The following TIMM22 variants were observed in gnomAD, a reference collection of about 807,000 sequenced individuals.
TIMM22 encodes the protein mitochondrial import inner membrane translocase subunit Tim22.
A neutral mutation model predicts 18.3 loss-of-function variants in TIMM22; 12 were observed. The ratio of observed to expected loss-of-function variants is 0.65; its 90% confidence interval spans 0.42 to 1.06. The LOEUF is 1.06. TIMM22 is among the 50% of genes least tolerant of loss of function. The pLI, the probability that TIMM22 is intolerant of heterozygous loss-of-function variation, is 0.00. For synonymous variants in TIMM22, 107 were observed against 98.5 expected (o/e 1.09, Z -0.51); for missense variants, 278 against 252.8 (o/e 1.10, Z -0.68).
chr17:999,941 C>T (rs1472580708), intron 3 of TIMM22, among the ~76,000 whole-genome samples: 1 of 152,114 alleles, frequency 6.6e-6, no homozygotes, highest in Non-Finnish European at 1.5e-5. Context: ...ACTCTGTCGC[C>T]CAGGCTGGAG....
At chr17:997,417 G>A (rs771670206) in intron 1 of TIMM22, 37 bp downstream of exon 1, 5 of 1,591,526 alleles carry the variant, frequency 3.1e-6, no homozygotes, top group Non-Finnish European at 2.6e-6. Flanking sequence ...GAGGCTGAGG[G>A]CCTGGACGGC....
Position 998,926 on chromosome 17 carries a change from T to A in TIMM22, c.386T>A (p.Phe129Tyr), listed in dbSNP as rs756638862. 1.2e-6 allele frequency: 2 copies of A among 1,613,988 alleles called. No homozygotes were observed. The highest frequency in any genetic ancestry group is 2.7e-5 in the African/African-American group (2 of 74,922). ...GQRGMSYAKNFAIVGAMFSCT... is the reference protein window; with the variant it reads ...GQRGMSYAKNYAIVGAMFSCT... Reference sequence around the variant, plus strand: ...AGAGGAATGTCCTATGCCAAAAATTTCGCCATTGTGGGAGCCATGTTTTCT... The same window carrying A: ...AGAGGAATGTCCTATGCCAAAAATTACGCCATTGTGGGAGCCATGTTTTCT... Residue 129 changes from phenylalanine (F) to tyrosine (Y), a missense_variant, in exon 2 of 4, where the codon TTC becomes TAC. Coordinates refer to ENST00000327158, the MANE Select transcript of TIMM22 (RefSeq NM_013337.4).
In TIMM22 at chr17:997,178, C is replaced by G; in HGVS notation, c.36C>G (p.Ala12=). The change falls in exon 1 of 4, where the codon GCC becomes GCG. Residue 12 remains alanine (A), a synonymous_variant. Coordinates refer to ENST00000327158, the MANE Select transcript of TIMM22 (RefSeq NM_013337.4). ...AAAAPNAGGS[A]PETAGSAEAP... ...CCGCCCCCAATGCCGGAGGCTCGGCCCCTGAGACAGCGGGTTCCGCCGAAG... is the reference window on the plus strand; with the variant it reads ...CCGCCCCCAATGCCGGAGGCTCGGCGCCTGAGACAGCGGGTTCCGCCGAAG... 6.2e-7 allele frequency: 1 copy of G among 1,611,624 alleles called. No individual in the cohort carries two copies. Among genetic ancestry groups the G allele is most frequent in the South Asian group, 1.1e-5 (1 of 91,018 alleles).
chr17:999,482 T>C (rs779127234), intron 2 of TIMM22, 30 bp from the exon 3 acceptor site: 1 of 1,611,184 alleles, frequency 6.2e-7, no homozygotes, highest in Admixed American at 1.7e-5. Flanking sequence ...CTTGTTTCTT[T>C]GGCTCTAACG....
At position 997,308 on chromosome 17, in the gene TIMM22, A is replaced by T; in HGVS notation, c.166A>T (p.Ser56Cys). 4 of 1,613,834 alleles carry T rather than the reference A, an allele frequency of 2.5e-6. No individual in the cohort carries two copies. The South Asian group carries it at 4.4e-5, about 18-fold the overall frequency. Residue 56 changes from serine (S) to cysteine (C), a missense_variant, in exon 1 of 4, where the codon AGT (serine) becomes TGT (cysteine). Transcript: ENST00000327158. ...GGGCGGGATCCCAAGTCCAGCCAAGAGTGAGGAGCAGAAGATGATCGAGAA... is the reference window on the plus strand; with the variant it reads ...GGGCGGGATCCCAAGTCCAGCCAAGTGTGAGGAGCAGAAGATGATCGAGAA... ...SLGGIPSPAK[S>C]EEQKMIEKAM... is the part of the protein sequence containing the mutation.
rs1195969538 is a variant in TIMM22, at chr17:999,575, G to C, written c.499G>C (p.Gly167Arg). 6.2e-7 allele frequency: 1 copy of C among 1,613,164 alleles called. No homozygotes were observed. Among genetic ancestry groups the C allele is most frequent in the Non-Finnish European group, 8.5e-7 (1 of 1,179,674 alleles). The change falls in exon 3 of 4, where the codon GGT (glycine) becomes CGT (arginine). Residue 167 changes from glycine (G) to arginine (R), a missense_variant. Transcript: ENST00000327158. ...TGGCTGCATCACGGGAGGAGCTATT[G>C]GTTTCAGAGGTTAGTAAACGGCTCT... The part of the protein sequence containing the change: ...ISGCITGGAI[G>R]FRAGLKAGAI...
At position 1,001,287 on chromosome 17, in the gene TIMM22, T is replaced by C. The variant is rs1244293359; in HGVS notation, c.*199T>C. 2 of 544,712 alleles carry C rather than the reference T, an allele frequency of 3.7e-6. No individual in the cohort carries two copies. The highest frequency in any genetic ancestry group is 6.6e-6 in the Non-Finnish European group (2 of 303,120). 33.7% of individuals were successfully genotyped at this position (544,712 alleles called of 1,614,324 possible). The stretch of plus-strand genomic sequence containing the variant: ...TAGCCACACTTTGCTGCTCCTGGAC[T>C]CCAGCCAGCCTTCACAGAGGACGTC... On this transcript the variant is annotated 3_prime_UTR_variant, in exon 4 of 4. Transcript: ENST00000327158.
rs2039800993 is a variant in TIMM22 at position 1,001,147 on chromosome 17, GAC to G, written c.*61_*62del. ...CCCGGATCCGGGCTGCTCTCTGGAG[GAC>G]AGTTTCTGTACCACACCAGGGCCTT... On this transcript the variant is annotated 3_prime_UTR_variant, in exon 4 of 4. Coordinates refer to ENST00000327158, the MANE Select transcript of TIMM22 (RefSeq NM_013337.4). The G allele has an allele frequency of 1.3e-6, 2 of 1,573,362 alleles. No individual in the cohort carries two copies. The highest frequency in any genetic ancestry group is 1.7e-5 in the Admixed American group (1 of 59,876).
chr17:998,584 A>G (rs1052107830), intron 1 of TIMM22, among the ~76,000 whole-genome samples, 195 bp from the exon 2 acceptor site: 1 of 152,152 alleles, frequency 6.6e-6, no homozygotes, highest in East Asian at 1.9e-4. Flanking sequence ...AAGAAATCTT[A>G]GAGACGGAGA....
intron 1 of TIMM22, 116 bp from the exon 2 acceptor site, chr17:998,662 AG>A (rs954291024): frequency 2.1e-5 from 21 of 1,019,628 alleles, no homozygotes; most frequent in African/African-American, 4.9e-5. Flanking sequence ...GAGTGGCAAG[AG>A]GGGGGTGTCC....
chr17:1,002,817 C>T lies in TIMM22; in HGVS notation c.*1729C>T, dbSNP rs948355288. On this transcript the variant is annotated 3_prime_UTR_variant, in exon 4 of 4. Coordinates refer to ENST00000327158, the MANE Select transcript of TIMM22 (RefSeq NM_013337.4). ...GGGACCAAATACAAGAGATGCTGCC[C>T]TCACAACAGCCTTGGAAAAGATGAG... is the stretch of plus-strand genomic sequence containing the variant. The T allele has an allele frequency of 3.3e-5, 5 of 152,178 alleles. No homozygotes were observed. The highest frequency in any genetic ancestry group is 1.2e-4 in the African/African-American group (5 of 41,432). 9.4% of individuals were successfully genotyped at this position (152,178 alleles called of 1,614,324 possible).
rs57081954 is a variant in TIMM22 at position 999,323 on chromosome 17, C to CTATATATATATA, written c.436-164_436-153dup. Among the ~76,000 whole-genome samples the CTATATATATATA allele has an allele frequency of 3.8e-3, 463 of 120,360 alleles. 3 individuals carry two copies. The highest frequency in any genetic ancestry group is 6.4e-3 in the African/African-American group (171 of 26,686). 79.0% of individuals were successfully genotyped at this position (120,360 alleles called of 152,430 possible). A position where few individuals can be genotyped will look rare whatever the true frequency, so the allele number is the denominator to read the frequency against. The stretch of plus-strand genomic sequence containing the variant: ...TGCAGGAAGCATCTATGAACGCATA[C>CTATATATATATA]TATATATATATATATATATATATAT... On this transcript the variant is annotated intron_variant, in intron 2 of 3. Transcript: ENST00000327158.
chr17:1,000,934 G>T, intron 3 of TIMM22, 78 bp from the exon 4 acceptor site: 3 of 1,425,092 alleles, frequency 2.1e-6, no homozygotes, highest in South Asian at 1.2e-5. Context: ...TGACACTGAG[G>T]GTGTGCCAAC....
chr17:1,001,071 G>T lies in TIMM22; in HGVS notation c.568G>T (p.Asp190Tyr). Reference sequence around the variant, plus strand: ...TTTTGCTGCTTTCTCTGCTGCGATTGATTATTACCTCCGGTGAGAGTAATT... The same window carrying T: ...TTTTGCTGCTTTCTCTGCTGCGATTTATTATTACCTCCGGTGAGAGTAATT... ...GGFAAFSAAI[D>Y]YYLR is the part of the protein sequence containing the mutation. The change falls in exon 4 of 4, where the codon GAT (aspartate) becomes TAT (tyrosine). Residue 190 changes from aspartate (D) to tyrosine (Y), a missense_variant. Coordinates refer to ENST00000327158, the MANE Select transcript of TIMM22 (RefSeq NM_013337.4). 1.2e-6 allele frequency: 2 copies of T among 1,613,928 alleles called. No individual in the cohort carries two copies. The highest frequency in any genetic ancestry group is 2.2e-5 in the South Asian group (2 of 91,028).
chr17:998,856 T>C lies in TIMM22; in HGVS notation c.316T>C (p.Tyr106His). ...CGTGGGCTTTGACCCTAAGGATCCT[T>C]ACCGTACACCGACTGCAAAAGAAGT... ...TNVGFDPKDP[Y>H]RTPTAKEVLK... Residue 106 changes from tyrosine to histidine, a missense_variant, in exon 2 of 4, where the codon TAC (tyrosine) becomes CAC (histidine). Tyr to His is a moderately conservative substitution (Grantham distance 83). Coordinates refer to ENST00000327158, the MANE Select transcript of TIMM22 (RefSeq NM_013337.4). 6.2e-7 allele frequency: 1 copy of C among 1,614,086 alleles called. No individual in the cohort carries two copies. The highest frequency in any genetic ancestry group is 1.1e-5 in the South Asian group (1 of 91,070).
Position 1,001,070 on chromosome 17 carries a change from T to G in TIMM22, c.567T>G (p.Ile189Met). The G allele has an allele frequency of 6.2e-7, 1 of 1,613,934 alleles. No homozygotes were observed. The highest frequency in any genetic ancestry group is 8.5e-7 in the Non-Finnish European group (1 of 1,179,942). ...CGGFAAFSAA[I>M]DYYLR ...GTTTTGCTGCTTTCTCTGCTGCGAT[T>G]GATTATTACCTCCGGTGAGAGTAAT... Residue 189 changes from isoleucine (I) to methionine (M), a missense_variant, in exon 4 of 4, where the codon ATT (isoleucine) becomes ATG (methionine). Ile to Met is a conservative substitution (Grantham distance 10). Coordinates refer to ENST00000327158, the MANE Select transcript of TIMM22 (RefSeq NM_013337.4).
chr17:997,686 G>A (rs1471468403), intron 1 of TIMM22, among the ~76,000 whole-genome samples: 3 of 152,168 alleles, frequency 2.0e-5, no homozygotes, highest in African/African-American at 4.8e-5. Flanking sequence ...GGTGGTGGGC[G>A]CCTGTAGTCC....
chr17:998,629 G>C lies in TIMM22; in HGVS notation c.239-150G>C, dbSNP rs7220370. The C allele has an allele frequency of 7.4e-3, 4,939 of 667,468 alleles. 200 individuals carry two copies. In the African/African-American group the frequency reaches 0.082, roughly 11 times the overall value. 41.3% of individuals were successfully genotyped at this position (667,468 alleles called of 1,614,324 possible). A position where few individuals can be genotyped will look rare whatever the true frequency, so the allele number is the denominator to read the frequency against. On this transcript the variant is annotated intron_variant, in intron 1 of 3. Transcript: ENST00000327158. ...CAGTAACATAGACCCTGGATTGCAA[G>C]TCTCCAGGCAAGTGGAGAGTTTGAG...
chr17:1,001,066 C>G lies in TIMM22; in HGVS notation c.563C>G (p.Ala188Gly), dbSNP rs766889660. Residue 188 changes from alanine to glycine, a missense_variant, in exon 4 of 4, where the codon GCG (alanine) becomes GGG (glycine). Physicochemically the swap from Ala to Gly is moderately conservative, Grantham distance 60. Transcript: ENST00000327158. Reference protein sequence around the residue: ...GCGGFAAFSAAIDYYLR With the variant: ...GCGGFAAFSAGIDYYLR ...GGAGGTTTTGCTGCTTTCTCTGCTG[C>G]GATTGATTATTACCTCCGGTGAGAG... is the stretch of plus-strand genomic sequence containing the variant. 1.2e-6 allele frequency: 2 copies of G among 1,613,910 alleles called. No individual in the cohort carries two copies. Among genetic ancestry groups the G allele is most frequent in the East Asian group, 4.5e-5 (2 of 44,876 alleles).
Sources: allele counts gnomAD v4.1 joint callset (sites outside exome capture counted in the v4.1 genomes callset), GRCh38; gene constraint gnomAD v4.1.1; transcripts MANE v1.5; gene names NCBI Gene and HGNC (gene_info 2026-07-23, HGNC 2026-07-21).